The following SPOCK1 variants were observed in gnomAD, a reference collection of about 807,000 sequenced individuals.
The protein encoded by SPOCK1 is SPARC (osteonectin), cwcv and kazal like domains proteoglycan 1, also known as testican-1.
In SPOCK1, 23 loss-of-function variants were observed where a neutral mutation model predicts 55.3. The ratio of observed to expected loss-of-function variants is 0.42; its 90% CI spans 0.30 to 0.59. SPOCK1 has a LOEUF of 0.59. Among genes scored for constraint, SPOCK1 ranks in the 20% least tolerant of loss-of-function variants. The pLI, the probability that SPOCK1 is intolerant of heterozygous loss-of-function variation, is 0.22. For missense variants in SPOCK1, 499 were observed against 552.5 expected, an observed-to-expected ratio of 0.90 and a Z score of 0.97; for synonymous variants, 226 against 221.0, an observed-to-expected ratio of 1.02 and a Z score of -0.20.
At chr5:137,111,839 C>A (rs1420242518) in intron 5 of SPOCK1, among the ~76,000 whole-genome samples, 2 of 152,192 alleles carry the variant, frequency 1.3e-5, no homozygotes, top group South Asian at 2.1e-4. Context: ...TATTTTATCC[C>A]AGCCCCTTTT....
intron 3 of SPOCK1, among the ~76,000 whole-genome samples, chr5:137,201,606 T>C (rs1755427312): frequency 6.6e-6 from 1 of 152,198 alleles, no homozygotes; most frequent in Non-Finnish European, 1.5e-5. Context: ...ATCCAAGCCC[T>C]GGTACCAATG....
chr5:137,090,740 G>A (rs1753037907), intron 5 of SPOCK1, among the ~76,000 whole-genome samples: 1 of 152,148 alleles, frequency 6.6e-6, no homozygotes, highest in Non-Finnish European at 1.5e-5. Flanking sequence ...AAGGGTCATG[G>A]CACAAACAGA....
chr5:137,429,263 C>G (rs151286054), intron 2 of SPOCK1, among the ~76,000 whole-genome samples: 5 of 152,188 alleles, frequency 3.3e-5, no homozygotes, highest in African/African-American at 1.2e-4. Flanking sequence ...TCACATATCC[C>G]GCAAAACATA....
At chr5:137,241,666 T>C (rs1425249447) in intron 3 of SPOCK1, among the ~76,000 whole-genome samples, 2 of 133,762 alleles carry the variant, frequency 1.5e-5, no homozygotes, top group Non-Finnish European at 3.0e-5. Flanking sequence ...CTGTCACCCC[T>C]TTTGCCCTTC....
intron 2 of SPOCK1, 108 bp downstream of exon 2, chr5:137,498,265 A>AT: frequency 1.1e-6 from 1 of 915,206 alleles, no homozygotes; most frequent in Non-Finnish European, 1.4e-6. Flanking sequence ...CCCCCTCCCA[A>AT]CCACACACAC....
chr5:137,250,114 C>G (rs887178775), intron 3 of SPOCK1, among the ~76,000 whole-genome samples: 19 of 152,146 alleles, frequency 1.2e-4, no homozygotes, highest in African/African-American at 4.6e-4. Context: ...TTTCATAACA[C>G]ATGAAAATTT....
At chr5:137,013,065 GAC>G (rs1266296817) in intron 6 of SPOCK1, among the ~76,000 whole-genome samples, 1 of 152,166 alleles carries the variant, frequency 6.6e-6, no homozygotes, top group Non-Finnish European at 1.5e-5. Flanking sequence ...GAGAAAGAGA[GAC>G]ACAGAGAGAG....
At chr5:137,038,747 G>A (rs1751931687) in intron 6 of SPOCK1, among the ~76,000 whole-genome samples, 1 of 151,876 alleles carries the variant, frequency 6.6e-6, no homozygotes, top group African/African-American at 2.4e-5. Context: ...GCCATTACTT[G>A]GTTTTCTAAG....
intron 3 of SPOCK1, among the ~76,000 whole-genome samples, chr5:137,178,881 ATAG>A (rs1409206912): frequency 6.6e-6 from 1 of 152,212 alleles, no homozygotes; most frequent in African/African-American, 2.4e-5. Context: ...TAGGCTTAAG[ATAG>A]TAGTACAGCA....
chr5:137,406,158 C>T (rs1752094681), intron 2 of SPOCK1, among the ~76,000 whole-genome samples: 1 of 152,188 alleles, frequency 6.6e-6, no homozygotes, highest in Admixed American at 6.5e-5. Flanking sequence ...CTAACAGATA[C>T]TTATAGCCCA....
chr5:137,067,863 G>A lies in SPOCK1; in HGVS notation c.475-34C>T, dbSNP rs762849147. On this transcript the variant is annotated intron_variant, in intron 5 of 10. Transcript: ENST00000394945. ...GAGAGACACAACAGGTCTTAAGAAT[G>A]CAGCCATAACAGACCCCTACCCCGC... The A allele has an allele frequency of 1.3e-5, 21 of 1,578,814 alleles. 2 individuals carry two copies. The South Asian group carries it at 2.3e-4, about 17-fold the overall frequency.
intron 2 of SPOCK1, among the ~76,000 whole-genome samples, chr5:137,453,574 C>A (rs1001832855): frequency 6.6e-6 from 1 of 151,978 alleles, no homozygotes; most frequent in Non-Finnish European, 1.5e-5. Context: ...CAAAGCCCAG[C>A]CACGGGAATC....
rs575018903 is a variant in SPOCK1, at chr5:137,194,423, A to G, written c.233-53729T>C. 2.6e-5 allele frequency among the ~76,000 whole-genome samples: 4 copies of G among 152,308 alleles called. No individual in the cohort carries two copies. The East Asian group carries it at 5.8e-4, about 22-fold the overall frequency. On this transcript the variant is annotated intron_variant, in intron 3 of 10. Coordinates refer to ENST00000394945, the MANE Select transcript of SPOCK1 (RefSeq NM_004598.4). ...AGGGCGCAGGAGTGAGAGAACATGC[A>G]GCCTGTTAGCTGAACTGCAGCAATT... is the stretch of plus-strand genomic sequence containing the variant.
chr5:137,408,971 A>G (rs1237122972), intron 2 of SPOCK1, among the ~76,000 whole-genome samples: 1 of 152,092 alleles, frequency 6.6e-6, no homozygotes, highest in East Asian at 1.9e-4. Flanking sequence ...TGCTCAATTT[A>G]TGTTTCACGA....
intron 2 of SPOCK1, among the ~76,000 whole-genome samples, chr5:137,458,426 A>T (rs1753412516): frequency 6.6e-6 from 1 of 152,264 alleles, no homozygotes; most frequent in South Asian, 2.1e-4. Flanking sequence ...ACAAATTTTT[A>T]AAATACAGAA....
intron 5 of SPOCK1, among the ~76,000 whole-genome samples, chr5:137,071,671 G>A (rs1163002932): frequency 6.6e-6 from 1 of 152,186 alleles, no homozygotes; most frequent in East Asian, 1.9e-4. Context: ...AACTCCATGA[G>A]CAAGTGCGGG....
intron 2 of SPOCK1, among the ~76,000 whole-genome samples, chr5:137,307,887 G>A (rs1757725671): frequency 6.6e-6 from 1 of 152,160 alleles, no homozygotes; most frequent in South Asian, 2.1e-4. Flanking sequence ...CTGACTCAGT[G>A]AGCACTTTCA....
At chr5:137,206,689 A>G (rs918519817) in intron 3 of SPOCK1, among the ~76,000 whole-genome samples, 1 of 152,270 alleles carries the variant, frequency 6.6e-6, no homozygotes, top group Non-Finnish European at 1.5e-5. Flanking sequence ...TGCTTTTAAT[A>G]TGTTACAACC....
At chr5:137,141,244 C>T (rs1210712095) in intron 3 of SPOCK1, among the ~76,000 whole-genome samples, 5 of 152,202 alleles carry the variant, frequency 3.3e-5, no homozygotes, top group Non-Finnish European at 2.9e-5. Flanking sequence ...GGAGTTTCAG[C>T]ATCTTCAGCT....
Sources: allele counts gnomAD v4.1 joint callset (sites outside exome capture counted in the v4.1 genomes callset), GRCh38; gene constraint gnomAD v4.1.1; transcripts MANE v1.5; gene names NCBI Gene and HGNC (gene_info 2026-07-23, HGNC 2026-07-21).